AKAP11: variants seen among roughly 807,000 people sequenced by gnomAD.
AKAP11 encodes the protein A-kinase anchoring protein 11.
AKAP11 carries 36 observed loss-of-function variants against 146.1 expected under a neutral mutation model. That is an observed-to-expected ratio of 0.25 (90% CI 0.19 to 0.33). AKAP11 has a LOEUF of 0.33. Ranked by LOEUF, AKAP11 falls within the 10% of genes least tolerant of loss-of-function variation. The pLI is 1.00. For synonymous variants in AKAP11, 780 were observed against 786.5 expected (o/e 0.99, Z 0.14); for missense variants, 2,201 against 2,197.0 (o/e 1.00, Z -0.04).
chr13:42,292,540 C>T, intron 4 of AKAP11, 39 bp downstream of exon 4: 1 of 1,247,794 alleles, frequency 8.0e-7, no homozygotes, highest in Non-Finnish European at 1.1e-6. Flanking sequence ...CCTAATAATG[C>T]ACAGCATATT....
chr13:42,292,264 C>A, intron 3 of AKAP11, 121 bp from the exon 4 acceptor site: 1 of 484,048 alleles, frequency 2.1e-6, no homozygotes, highest in Non-Finnish European at 3.7e-6. Context: ...CATTCAGTAT[C>A]AAAAGGTGCC....
chr13:42,301,654 A>G lies in AKAP11; in HGVS notation c.2908A>G (p.Ser970Gly), dbSNP rs1566276944. 1 of 1,614,160 alleles carries G rather than the reference A, an allele frequency of 6.2e-7. No individual in the cohort carries two copies. The highest frequency in any genetic ancestry group is 8.5e-7 in the Non-Finnish European group (1 of 1,180,010). ...AGATAAAAATGCAGTATACAAGGAA[A>G]GCTTGCCTGTTTCTGGAGAAGAATC... ...NIDKNAVYKE[S>G]LPVSGEESQL... The change falls in exon 8 of 13, where the codon AGC (serine) becomes GGC (glycine). Residue 970 changes from serine (S) to glycine (G), a missense_variant. By Grantham distance (56) the Ser-to-Gly change is moderately conservative. This residue lies in a region of AKAP11 where 1,867 missense variants were observed against 1,833.5 expected (regional missense o/e 1.02). Transcript: ENST00000025301.
chr13:42,297,294 A>G, intron 6 of AKAP11, 112 bp downstream of exon 6: 4 of 764,672 alleles, frequency 5.2e-6, no homozygotes, highest in South Asian at 2.6e-5. Context: ...TTTAAATGGT[A>G]TCTCAAGGAA....
intron 11 of AKAP11, among the ~76,000 whole-genome samples, chr13:42,317,042 C>T (rs554339727): frequency 1.1e-4 from 16 of 151,998 alleles, no homozygotes; most frequent in South Asian, 4.2e-4. Context: ...CACGCCTGGC[C>T]GGATTTTGTA....
rs1250703233 is a variant in AKAP11 at position 42,300,799 on chromosome 13, G to A, written c.2053G>A (p.Val685Ile). Reference sequence around the variant, plus strand: ...TGGGTCGTTTGACTTTGAAGACAAAGTAGTGAAGTTGTATGCAAAAGATTT... The same window carrying A: ...TGGGTCGTTTGACTTTGAAGACAAAATAGTGAAGTTGTATGCAAAAGATTT... ...QCGSFDFEDK[V>I]VKLYAKDLSE... is the part of the protein sequence containing the mutation. The change falls in exon 8 of 13, where the codon GTA becomes ATA. Residue 685 changes from valine to isoleucine, a missense_variant. Coordinates refer to ENST00000025301, the MANE Select transcript of AKAP11 (RefSeq NM_016248.4). 11 of 1,614,004 alleles carry A rather than the reference G, an allele frequency of 6.8e-6. No homozygotes were observed. The highest frequency in any genetic ancestry group is 3.3e-4 in the Middle Eastern group (2 of 6,084).
chr13:42,298,420 C>A, intron 6 of AKAP11, 113 bp from the exon 7 acceptor site: 1 of 1,099,624 alleles, frequency 9.1e-7, no homozygotes, highest in Non-Finnish European at 1.3e-6. Context: ...TTTCAGGATG[C>A]ATGAATTTCT....
Position 42,301,957 on chromosome 13 carries a change from A to T in AKAP11, c.3211A>T (p.Thr1071Ser), listed in dbSNP as rs768999636. 1 of 1,614,016 alleles carries T rather than the reference A, an allele frequency of 6.2e-7. No individual in the cohort carries two copies. Among genetic ancestry groups the T allele is most frequent in the African/African-American group, 1.3e-5 (1 of 74,918 alleles). Residue 1071 changes from threonine (T) to serine (S), a missense_variant, in exon 8 of 13, where the codon ACT (threonine) becomes TCT (serine). Transcript: ENST00000025301. ...GGAAAACCCCTTTCCTCATTCACAT[A>T]CTTTCTCATCTACAGCACTTACCTG... ...GQENPFPHSH[T>S]FSSTALTCVD...
chr13:42,318,671 A>C (rs143227036), intron 12 of AKAP11, among the ~76,000 whole-genome samples: 1 of 152,168 alleles, frequency 6.6e-6, no homozygotes, highest in African/African-American at 2.4e-5. Flanking sequence ...ATGCCACACT[A>C]TATGTTGTGG....
At chr13:42,309,879 T>C (rs1960466331) in intron 9 of AKAP11, among the ~76,000 whole-genome samples, 1 of 152,230 alleles carries the variant, frequency 6.6e-6, no homozygotes, top group African/African-American at 2.4e-5. Context: ...GGGTAGAGGC[T>C]TTAAGCATTA....
At chr13:42,272,556 C>G (rs1958799835) in intron 1 of AKAP11, among the ~76,000 whole-genome samples, 1 of 152,150 alleles carries the variant, frequency 6.6e-6, no homozygotes, top group South Asian at 2.1e-4. Flanking sequence ...TTTCCATCCC[C>G]GGGGTGGTCT....
chr13:42,294,995 T>C (rs1002752897), intron 4 of AKAP11, among the ~76,000 whole-genome samples: 2 of 152,208 alleles, frequency 1.3e-5, no homozygotes, highest in Non-Finnish European at 2.9e-5. Context: ...TAGGTATTCT[T>C]TAGAAAGTCT....
chr13:42,299,813 T>C lies in AKAP11; in HGVS notation c.1067T>C (p.Phe356Ser). Residue 356 changes from phenylalanine (F) to serine (S), a missense_variant, in exon 8 of 13, where the codon TTT becomes TCT. By Grantham distance (155) the Phe-to-Ser change is radical. This residue lies in a region of AKAP11 where 1,867 missense variants were observed against 1,833.5 expected (regional missense o/e 1.02). Coordinates refer to ENST00000025301, the MANE Select transcript of AKAP11 (RefSeq NM_016248.4). ...TCAGACTCAGAAGTAAGTGAATTTT[T>C]TGATAGTTTTGATCAGTTTGATGAA... Reference protein sequence around the residue: ...EDSDSEVSEFFDSFDQFDELE... With the variant: ...EDSDSEVSEFSDSFDQFDELE... 6.2e-7 allele frequency: 1 copy of C among 1,613,782 alleles called. No individual in the cohort carries two copies. The highest frequency in any genetic ancestry group is 8.5e-7 in the Non-Finnish European group (1 of 1,179,858).
intron 4 of AKAP11, among the ~76,000 whole-genome samples, chr13:42,292,946 T>C (rs1005378348): frequency 6.6e-6 from 1 of 152,204 alleles, no homozygotes; most frequent in African/African-American, 2.4e-5. Flanking sequence ...ATCTTTGAAA[T>C]TAAGATACTT....
At position 42,301,640 on chromosome 13, in the gene AKAP11, C is replaced by A; in HGVS notation, c.2894C>A (p.Ala965Glu). Residue 965 changes from alanine (A) to glutamate (E), a missense_variant, in exon 8 of 13, where the codon GCA becomes GAA. By Grantham distance (107) the Ala-to-Glu change is moderately radical. Coordinates refer to ENST00000025301, the MANE Select transcript of AKAP11 (RefSeq NM_016248.4). ...KSVIPNIDKN[A>E]VYKESLPVSG... is the part of the protein sequence containing the mutation. ...GTGATCCCAAATATAGATAAAAATG[C>A]AGTATACAAGGAAAGCTTGCCTGTT... The A allele has an allele frequency of 6.2e-7, 1 of 1,613,988 alleles. No individual in the cohort carries two copies.
At chr13:42,288,209 A>T (rs879264735) in intron 3 of AKAP11, among the ~76,000 whole-genome samples, 8 of 152,212 alleles carry the variant, frequency 5.3e-5, no homozygotes, top group Admixed American at 2.0e-4. Context: ...AAATATAGAG[A>T]TACATTAAAT....
At position 42,301,103 on chromosome 13, in the gene AKAP11, G is replaced by A. The variant is rs752803308; in HGVS notation, c.2357G>A (p.Gly786Glu). 6.2e-7 allele frequency: 1 copy of A among 1,614,078 alleles called. No individual in the cohort carries two copies. The highest frequency in any genetic ancestry group is 1.1e-5 in the South Asian group (1 of 91,072). ...IVTSIPVPLAGSALLPYHISS... is the reference protein window; with the variant it reads ...IVTSIPVPLAESALLPYHISS... ...ACTTCTATACCGGTGCCCTTGGCAG[G>A]AAGTGCCCTTCTCCCATATCATATT... Residue 786 changes from glycine (G) to glutamate (E), a missense_variant, in exon 8 of 13, where the codon GGA (glycine) becomes GAA (glutamate). This residue lies in a region of AKAP11 where 1,867 missense variants were observed against 1,833.5 expected (regional missense o/e 1.02). Transcript: ENST00000025301.
At chr13:42,313,204 ATG>A (rs767689307) in intron 10 of AKAP11, 74 bp downstream of exon 10, 57 of 1,191,838 alleles carry the variant, frequency 4.8e-5, no homozygotes, top group Non-Finnish European at 6.7e-5. Flanking sequence ...TCTTCAAAGA[ATG>A]TGGGTTACAG....
chr13:42,303,065 G>T lies in AKAP11; in HGVS notation c.4319G>T (p.Cys1440Phe), dbSNP rs1960038301. ...NEGYFCKNQTCERTLDPYRNE... is the reference protein window; with the variant it reads ...NEGYFCKNQTFERTLDPYRNE... ...GGTTACTTTTGTAAAAATCAAACTTGTGAAAGGACCCTGGATCCATATAGA... is the reference window on the plus strand; with the variant it reads ...GGTTACTTTTGTAAAAATCAAACTTTTGAAAGGACCCTGGATCCATATAGA... Residue 1440 changes from cysteine to phenylalanine, a missense_variant, in exon 8 of 13, where the codon TGT (cysteine) becomes TTT (phenylalanine). Cys to Phe is a radical substitution (Grantham distance 205). This residue lies in a region of AKAP11 where 1,867 missense variants were observed against 1,833.5 expected (regional missense o/e 1.02). Transcript: ENST00000025301. 6.2e-7 allele frequency: 1 copy of T among 1,613,028 alleles called. No individual in the cohort carries two copies. The highest frequency in any genetic ancestry group is 1.3e-5 in the African/African-American group (1 of 74,836).
At chr13:42,307,225 A>G (rs1960307171) in intron 8 of AKAP11, among the ~76,000 whole-genome samples, 1 of 152,200 alleles carries the variant, frequency 6.6e-6, no homozygotes, top group Admixed American at 6.5e-5. Context: ...TCTGTATCTT[A>G]CAAAATTAGA....
Sources: gnomAD v4.1 joint callset for allele counts (sites outside exome capture counted in the v4.1 genomes callset) on GRCh38, gnomAD v4.1.1 for gene constraint, gnomAD v4.1.1 regional missense constraint, MANE v1.5 for transcripts, NCBI Gene and HGNC (gene_info 2026-07-23, HGNC 2026-07-21) for gene names.